The following SMCHD1 variants were observed in gnomAD, a reference collection of about 807,000 sequenced individuals.
SMCHD1 encodes structural maintenance of chromosomes flexible hinge domain-containing protein 1.
Under a neutral mutation model 254.7 loss-of-function variants are expected in SMCHD1, and 78 were observed. The ratio of observed to expected loss-of-function variants is 0.31; its 90% CI spans 0.26 to 0.37. SMCHD1 has a LOEUF of 0.37. Ranked by LOEUF, SMCHD1 falls within the 10% of genes least tolerant of loss-of-function variation. The pLI, the probability that SMCHD1 is intolerant of heterozygous loss-of-function variation, is 1.00. For synonymous variants in SMCHD1, 766 were observed against 794.9 expected (o/e 0.96, Z 0.61); for missense variants, 1,840 against 2,408.1 (o/e 0.76, Z 4.94).
At chr18:2,782,445 T>G (rs2076170514) in intron 44 of SMCHD1, among the ~76,000 whole-genome samples, 1 of 152,120 alleles carries the variant, frequency 6.6e-6, no homozygotes, top group Admixed American at 6.5e-5. Context: ...TGTATTTATT[T>G]AAGATCATAT....
intron 34 of SMCHD1, among the ~76,000 whole-genome samples, chr18:2,756,786 A>G (rs971562341): frequency 6.6e-6 from 1 of 152,162 alleles, no homozygotes. Flanking sequence ...CTAAATAAAT[A>G]GATAATTTAA....
At chr18:2,714,322 G>C (rs989356756) in intron 17 of SMCHD1, among the ~76,000 whole-genome samples, 1 of 152,056 alleles carries the variant, frequency 6.6e-6, no homozygotes, top group African/African-American at 2.4e-5. Context: ...TGTTTGCATG[G>C]AATAGCTGTT....
At chr18:2,669,359 A>G (rs2073532062) in intron 3 of SMCHD1, among the ~76,000 whole-genome samples, 1 of 152,118 alleles carries the variant, frequency 6.6e-6, no homozygotes, top group Non-Finnish European at 1.5e-5. Flanking sequence ...AAAAAATAAA[A>G]ATAAAAATAA....
chr18:2,699,306 T>C (rs546484805), intron 10 of SMCHD1, among the ~76,000 whole-genome samples: 18 of 152,312 alleles, frequency 1.2e-4, no homozygotes, highest in African/African-American at 4.3e-4. Flanking sequence ...CCAGTACATA[T>C]TGTTACTCAG....
chr18:2,682,093 G>A (rs1012253158), intron 5 of SMCHD1, among the ~76,000 whole-genome samples: 2 of 151,948 alleles, frequency 1.3e-5, no homozygotes, highest in African/African-American at 2.4e-5. Context: ...CATATGTCTG[G>A]CACATTTATT....
chr18:2,788,803 G>A (rs1456293503), intron 45 of SMCHD1, among the ~76,000 whole-genome samples: 2 of 152,026 alleles, frequency 1.3e-5, no homozygotes, highest in African/African-American at 4.8e-5. Context: ...TCACCATGTT[G>A]GCCGGGCTGG....
intron 25 of SMCHD1, among the ~76,000 whole-genome samples, chr18:2,738,001 G>A (rs562082730): frequency 4.6e-5 from 7 of 152,086 alleles, no homozygotes; most frequent in Admixed American, 1.3e-4. Flanking sequence ...TAAGAATAAC[G>A]TCCACCTAGA....
chr18:2,796,967 AAGT>A (rs1490641849), intron 47 of SMCHD1: 1 of 152,054 alleles, frequency 6.6e-6, no homozygotes. Context: ...AAAAAAAATA[AAGT>A]AATAATGAAG....
chr18:2,791,671 G>A (rs979977414), intron 45 of SMCHD1, among the ~76,000 whole-genome samples: 1 of 152,194 alleles, frequency 6.6e-6, no homozygotes, highest in Non-Finnish European at 1.5e-5. Flanking sequence ...GGTTGTTTCA[G>A]CTTACTGCCT....
intron 34 of SMCHD1, among the ~76,000 whole-genome samples, chr18:2,758,073 T>TAGATAG (rs537124535): frequency 6.6e-6 from 1 of 151,774 alleles, no homozygotes; most frequent in Non-Finnish European, 1.5e-5. Context: ...TAGATAGATA[T>TAGATAG]ATTCTTTTAA....
intron 30 of SMCHD1, 23 bp downstream of exon 30, chr18:2,747,670 T>C: frequency 4.7e-6 from 7 of 1,500,018 alleles, no homozygotes; most frequent in Non-Finnish European, 5.4e-6. Flanking sequence ...CTTCCTTACA[T>C]CTTCATTTAA....
chr18:2,656,113 C>T lies in SMCHD1; in HGVS notation c.38C>T (p.Ser13Phe), dbSNP rs1417252379. The part of the protein sequence containing the change: ...AADGGGPGGA[S>F]VGTEEDGGGV... The stretch of plus-strand genomic sequence containing the variant: ...GACGGCGGCGGGCCTGGTGGGGCCT[C>T]TGTGGGGACTGAGGAGGATGGCGGA... Residue 13 changes from serine to phenylalanine, a missense_variant, in exon 1 of 48, where the codon TCT (serine) becomes TTT (phenylalanine). Ser to Phe is a radical substitution (Grantham distance 155). This residue lies in a region of SMCHD1 where 115 missense variants were observed against 99.1 expected (regional missense o/e 1.16). Transcript: ENST00000320876. 1.6e-5 allele frequency: 24 copies of T among 1,458,766 alleles called. No homozygotes were observed. The highest frequency in any genetic ancestry group is 2.1e-5 in the Non-Finnish European group (23 of 1,106,078). 90.4% of individuals were successfully genotyped at this position (1,458,766 alleles called of 1,614,324 possible).
At chr18:2,669,714 T>C (rs540274285) in intron 3 of SMCHD1, among the ~76,000 whole-genome samples, 14 of 152,344 alleles carry the variant, frequency 9.2e-5, no homozygotes, top group Middle Eastern at 3.4e-3. Flanking sequence ...GGTTTATCTC[T>C]TGAAGTCCAG....
intron 34 of SMCHD1, 38 bp downstream of exon 34, chr18:2,752,590 T>G: frequency 7.4e-7 from 1 of 1,359,088 alleles, no homozygotes; most frequent in Non-Finnish European, 1.0e-6. Context: ...AATACATATC[T>G]TGTTACAAAG....
intron 1 of SMCHD1, among the ~76,000 whole-genome samples, chr18:2,659,715 T>C (rs2143757647): frequency 6.6e-6 from 1 of 151,688 alleles, no homozygotes; most frequent in East Asian, 1.9e-4. Context: ...TGTTTTGTAT[T>C]TTAATATAAG....
rs111880628 is a variant in SMCHD1 at position 2,689,975 on chromosome 18, A to G, written c.873+1228A>G. 4.5e-3 allele frequency among the ~76,000 whole-genome samples: 687 copies of G among 151,810 alleles called. 5 individuals are homozygous for G. The highest frequency in any genetic ancestry group is 5.6e-3 in the Non-Finnish European group (378 of 67,938). On this transcript the variant is annotated intron_variant, in intron 7 of 47. Transcript: ENST00000320876. The stretch of plus-strand genomic sequence containing the variant: ...GCTGCAAGTGAGCTATGATCATGCC[A>G]CTACATTCCAATTTGGGCGATAGAG...
chr18:2,780,257 AAAAAAAAAAG>A (rs1390996514), intron 44 of SMCHD1, among the ~76,000 whole-genome samples: 3 of 150,976 alleles, frequency 2.0e-5, no homozygotes, highest in South Asian at 2.1e-4. Flanking sequence ...AAAAAAAAAA[AAAAAAAAAAG>A]GCAATAATAA....
Position 2,718,451 on chromosome 18 carries a change from TA to T in SMCHD1, c.2458+18del, listed in dbSNP as rs775993230. The T allele has an allele frequency of 9.6e-6, 15 of 1,564,770 alleles. 1 individual carries two copies. Among genetic ancestry groups the T allele is most frequent in the Middle Eastern group, 3.4e-4 (2 of 5,836 alleles). ...CTGTTAAAGGTAAGCAAAACAGTAATATATAATTATATATGCTAAAGGTGGC... is the reference window on the plus strand; with the variant it reads ...CTGTTAAAGGTAAGCAAAACAGTAATTATAATTATATATGCTAAAGGTGGC... On this transcript the variant is annotated intron_variant, in intron 19 of 47. Coordinates refer to ENST00000320876, the MANE Select transcript of SMCHD1 (RefSeq NM_015295.3). This position sits in a 1 kb window ranked among gnomAD's most constrained non-coding sequence, Gnocchi z 4.6.
intron 21 of SMCHD1, among the ~76,000 whole-genome samples, chr18:2,725,711 T>C (rs1598371716): frequency 6.6e-6 from 1 of 151,868 alleles, no homozygotes; most frequent in East Asian, 1.9e-4. Flanking sequence ...CTTTGTATAA[T>C]CAAGTCAAAA....
Sources: allele counts gnomAD v4.1 joint callset (sites outside exome capture counted in the v4.1 genomes callset), GRCh38; gene constraint gnomAD v4.1.1; regional missense constraint gnomAD v4.1.1; non-coding constraint Gnocchi (gnomAD v3.1); transcripts MANE v1.5; gene names NCBI Gene and HGNC (gene_info 2026-07-23, HGNC 2026-07-21).